FOXN4: variants seen among roughly 807,000 people sequenced by gnomAD.
FOXN4 encodes forkhead box protein N4.
Under a neutral mutation model 45.0 loss-of-function variants are expected in FOXN4, and 12 were observed. The ratio of observed to expected loss-of-function variants is 0.27; its 90% confidence interval spans 0.17 to 0.43. FOXN4 has a LOEUF of 0.43. FOXN4 is among the 20% of genes least tolerant of loss of function. The pLI is 1.00. For synonymous variants in FOXN4, 297 were observed against 295.0 expected, an observed-to-expected ratio of 1.01 and a Z score of -0.07; for missense variants, 560 against 694.9, an observed-to-expected ratio of 0.81 and a Z score of 2.18.
chr12:109,304,235 G>A (rs1206854500), intron 2 of FOXN4, among the ~76,000 whole-genome samples: 1 of 44,536 alleles, frequency 2.2e-5, no homozygotes, highest in African/African-American at 9.5e-5. Context: ...AAGAAAGAAA[G>A]AAAGAAAGAA....
intron 9 of FOXN4, 97 bp downstream of exon 9, chr12:109,281,310 C>A: frequency 7.0e-7 from 1 of 1,430,096 alleles, no homozygotes; most frequent in South Asian, 1.3e-5. Flanking sequence ...GACTGTGGGG[C>A]AAATGCAGGC....
chr12:109,307,009 G>C (rs993886766), intron 2 of FOXN4, among the ~76,000 whole-genome samples: 1 of 152,208 alleles, frequency 6.6e-6, no homozygotes, highest in Non-Finnish European at 1.5e-5. Context: ...CCCGAGATGA[G>C]GTGAGTGATG....
chr12:109,298,278 C>T (rs957070494), intron 2 of FOXN4, among the ~76,000 whole-genome samples: 5 of 151,922 alleles, frequency 3.3e-5, no homozygotes, highest in African/African-American at 1.2e-4. Flanking sequence ...CTGCCAGGCC[C>T]CTGCTGGATG....
chr12:109,291,311 C>T lies in FOXN4; in HGVS notation c.87-1025G>A, dbSNP rs2047765853. Among the ~76,000 whole-genome samples, 1 of 152,094 alleles carries T rather than the reference C, an allele frequency of 6.6e-6. No individual in the cohort carries two copies. The highest frequency in any genetic ancestry group is 1.5e-5 in the Non-Finnish European group (1 of 68,020). ...CCATCCGGGCCCTGTCGTGATGGTG[C>T]AGACCAGCCCAGGAGCACACGCCCG... is the stretch of plus-strand genomic sequence containing the variant. On this transcript the variant is annotated intron_variant, in intron 2 of 9. Coordinates refer to ENST00000299162, the MANE Select transcript of FOXN4 (RefSeq NM_213596.3). The surrounding 1 kb of genome is among the most constrained non-coding windows in gnomAD (Gnocchi z 6.6).
At chr12:109,296,143 G>A (rs1453409704) in intron 2 of FOXN4, among the ~76,000 whole-genome samples, 2 of 152,328 alleles carry the variant, frequency 1.3e-5, no homozygotes, top group East Asian at 3.9e-4. Flanking sequence ...TACCAGCCCT[G>A]CTGCTGGGTC....
At chr12:109,293,130 G>A (rs552118769) in intron 2 of FOXN4, among the ~76,000 whole-genome samples, 3 of 152,214 alleles carry the variant, frequency 2.0e-5, no homozygotes, top group South Asian at 2.1e-4. Context: ...GAGGCTCACT[G>A]CAAAGTCTGA....
intron 2 of FOXN4, among the ~76,000 whole-genome samples, chr12:109,299,392 T>C (rs114789614): frequency 0.012 from 1,759 of 151,958 alleles, 35 homozygotes; most frequent in African/African-American, 0.04. Flanking sequence ...AACACACATA[T>C]GCACACACAA....
At chr12:109,286,879 G>C (rs891351690) in intron 6 of FOXN4, 135 bp from the exon 7 acceptor site, 1 of 1,440,448 alleles carries the variant, frequency 6.9e-7, no homozygotes, top group Non-Finnish European at 9.1e-7. Flanking sequence ...CTCACACACA[G>C]TGAGCTCTCA....
At chr12:109,282,121 A>G (rs2047659132) in intron 8 of FOXN4, among the ~76,000 whole-genome samples, 1 of 152,222 alleles carries the variant, frequency 6.6e-6, no homozygotes, top group African/African-American at 2.4e-5. Flanking sequence ...TGTTGTGGAA[A>G]TGTAACAAAA....
intron 7 of FOXN4, among the ~76,000 whole-genome samples, chr12:109,285,737 A>C (rs2047703706): frequency 6.6e-6 from 1 of 152,210 alleles, no homozygotes; most frequent in Non-Finnish European, 1.5e-5. Flanking sequence ...AGCTCTGGCC[A>C]ACTGTTACTA....
chr12:109,285,589 TA>T (rs912234742), intron 7 of FOXN4, 78 bp from the exon 8 acceptor site: 40 of 1,484,102 alleles, frequency 2.7e-5, no homozygotes, highest in Non-Finnish European at 3.2e-5. Context: ...CTCAGGCCTA[TA>T]GGGGCAGGAC....
chr12:109,283,122 C>T (rs758576435), intron 8 of FOXN4, among the ~76,000 whole-genome samples: 10 of 152,258 alleles, frequency 6.6e-5, no homozygotes, highest in South Asian at 4.1e-4. Context: ...TTAGCCTCCA[C>T]GTCACAGTCC....
intron 2 of FOXN4, among the ~76,000 whole-genome samples, chr12:109,304,188 CAA>C (rs560597615): frequency 2.0e-4 from 10 of 51,078 alleles, no homozygotes; most frequent in African/African-American, 2.3e-4. Context: ...CAGACTCCGT[CAA>C]AAAAAAAAAA....
At chr12:109,284,100 G>A (rs1240657232) in intron 8 of FOXN4, among the ~76,000 whole-genome samples, 1 of 152,296 alleles carries the variant, frequency 6.6e-6, no homozygotes, top group East Asian at 1.9e-4. Flanking sequence ...GCTCTCTATT[G>A]TTCCACATCC....
intron 2 of FOXN4, among the ~76,000 whole-genome samples, chr12:109,299,085 T>C (rs2047844670): frequency 6.6e-6 from 1 of 152,126 alleles, no homozygotes; most frequent in Non-Finnish European, 1.5e-5. Context: ...ACAATGTGTC[T>C]TTCTCAAACT....
Position 109,291,562 on chromosome 12 carries a change from C to T in FOXN4, c.87-1276G>A, listed in dbSNP as rs565012734. On this transcript the variant is annotated intron_variant, in intron 2 of 9. Transcript: ENST00000299162. The surrounding 1 kb of genome is among the most constrained non-coding windows in gnomAD (Gnocchi z 6.6). ...CATCTGCTTGGCCAGCTCTGCCTCACGTTCTCCCTCTCCCTCCTCCTCCCT... is the reference window on the plus strand; with the variant it reads ...CATCTGCTTGGCCAGCTCTGCCTCATGTTCTCCCTCTCCCTCCTCCTCCCT... Among the ~76,000 whole-genome samples the T allele has an allele frequency of 1.5e-4, 23 of 152,178 alleles. No individual in the cohort carries two copies. Among genetic ancestry groups the T allele is most frequent in the African/African-American group, 2.6e-4 (11 of 41,544 alleles).
chr12:109,302,724 T>C (rs2047878854), intron 2 of FOXN4, among the ~76,000 whole-genome samples: 1 of 151,792 alleles, frequency 6.6e-6, no homozygotes, highest in African/African-American at 2.4e-5. Context: ...TGACAAATAT[T>C]GCCGGGGGGT....
At chr12:109,307,504 C>T (rs902017636) in intron 2 of FOXN4, among the ~76,000 whole-genome samples, 2 of 152,138 alleles carry the variant, frequency 1.3e-5, no homozygotes, top group Admixed American at 6.5e-5. Context: ...CTTTCTTGGC[C>T]TCAGTTTCCC....
At chr12:109,295,833 C>A (rs2047811988) in intron 2 of FOXN4, among the ~76,000 whole-genome samples, 1 of 152,150 alleles carries the variant, frequency 6.6e-6, no homozygotes, top group Non-Finnish European at 1.5e-5. Flanking sequence ...CCTCCACTCT[C>A]CCTCCATCTC....
Sources: gnomAD v4.1 joint callset for allele counts (sites outside exome capture counted in the v4.1 genomes callset) on GRCh38, gnomAD v4.1.1 for gene constraint, Gnocchi (gnomAD v3.1) non-coding constraint, MANE v1.5 for transcripts, NCBI Gene and HGNC (gene_info 2026-07-23, HGNC 2026-07-21) for gene names.